ASTN2: variants seen among roughly 807,000 people sequenced by gnomAD.
ASTN2 encodes the protein astrotactin 2.
In ASTN2, 54 loss-of-function variants were observed where a neutral mutation model predicts 139.8. That is an observed-to-expected ratio of 0.39 (90% CI 0.31 to 0.48). ASTN2 has a LOEUF of 0.48. Among genes scored for constraint, ASTN2 ranks in the 20% least tolerant of loss-of-function variants. The pLI is 0.95. For missense variants in ASTN2, 1,565 were observed against 1,725.1 expected, an observed-to-expected ratio of 0.91 and a Z score of 1.64; for synonymous variants, 756 against 719.5, an observed-to-expected ratio of 1.05 and a Z score of -0.81.
At chr9:116,572,305 C>T (rs777167679) in intron 19 of ASTN2, among the ~76,000 whole-genome samples, 27 of 152,168 alleles carry the variant, frequency 1.8e-4, no homozygotes, top group Non-Finnish European at 2.9e-4. Flanking sequence ...CCAGGGCCTG[C>T]CTGGATCCTT....
Position 117,144,976 on chromosome 9 carries a change from C to G in ASTN2, c.1016-3498G>C, listed in dbSNP as rs138535091. Reference sequence around the variant, plus strand: ...GGGATTACAGGCATGACCCACTACGCCTGGCTCTTTTTTTTTAAAAACTTT... The same window carrying G: ...GGGATTACAGGCATGACCCACTACGGCTGGCTCTTTTTTTTTAAAAACTTT... On this transcript the variant is annotated intron_variant, in intron 3 of 22. Transcript: ENST00000313400. Among the ~76,000 whole-genome samples, 660 of 152,104 alleles carry G rather than the reference C, an allele frequency of 4.3e-3. 4 individuals are homozygous for G. The highest frequency in any genetic ancestry group is 0.015 in the African/African-American group (616 of 41,462).
intron 13 of ASTN2, among the ~76,000 whole-genome samples, chr9:116,750,441 G>A (rs1168452434): frequency 6.6e-6 from 1 of 152,000 alleles, no homozygotes; most frequent in Non-Finnish European, 1.5e-5. Flanking sequence ...CTCTCCCTGG[G>A]GCACCTTAGA....
rs1847230217 is a variant in ASTN2 at position 116,423,172 on chromosome 9, C to T, written c.*2679G>A. Among the ~76,000 whole-genome samples, 1 of 152,066 alleles carries T rather than the reference C, an allele frequency of 6.6e-6. No homozygotes were observed. ...TCTAGGTCTTTCCCAACCAGATTTT[C>T]CTGGATGTCTGCCCAAGACTCACAG... is the stretch of plus-strand genomic sequence containing the variant. On this transcript the variant is annotated 3_prime_UTR_variant, in exon 23 of 23. Coordinates refer to ENST00000313400, the MANE Select transcript of ASTN2 (RefSeq NM_001365068.1).
rs1371638622 is a variant in ASTN2 at position 116,631,800 on chromosome 9, T to C, written c.3073-11357A>G. On this transcript the variant is annotated intron_variant, in intron 17 of 22. Transcript: ENST00000313400. ...CCGAGTTACCCTGATTTGATAATTA[T>C]ACATTGCATGCATGTATCAAAATAT... is the stretch of plus-strand genomic sequence containing the variant. Among the ~76,000 whole-genome samples the C allele has an allele frequency of 4.6e-5, 7 of 152,306 alleles. No individual in the cohort carries two copies. The East Asian group carries it at 1.2e-3, about 25-fold the overall frequency.
chr9:116,722,401 C>T (rs1828497345), intron 16 of ASTN2, among the ~76,000 whole-genome samples: 1 of 152,194 alleles, frequency 6.6e-6, no homozygotes, highest in African/African-American at 2.4e-5. Flanking sequence ...ATATTTTAAT[C>T]AGGCACATTC....
chr9:117,302,099 G>C (rs1834890548), intron 1 of ASTN2, among the ~76,000 whole-genome samples: 1 of 147,862 alleles, frequency 6.8e-6, no homozygotes, highest in South Asian at 2.1e-4. Flanking sequence ...GGGGGTGGGA[G>C]GGGGGGTGAC....
intron 6 of ASTN2, among the ~76,000 whole-genome samples, chr9:117,037,271 C>T (rs73519391): frequency 0.024 from 3,721 of 151,978 alleles, 139 homozygotes; most frequent in African/African-American, 0.084. Flanking sequence ...TTTTAATTCA[C>T]CACATTTTGG....
intron 3 of ASTN2, among the ~76,000 whole-genome samples, chr9:117,178,641 G>C (rs1285848723): frequency 1.3e-5 from 2 of 152,192 alleles, no homozygotes; most frequent in Non-Finnish European, 2.9e-5. Flanking sequence ...GATCTCTGCT[G>C]GCAGGAAAAG....
chr9:116,560,615 T>C (rs1433015886), intron 19 of ASTN2, among the ~76,000 whole-genome samples: 5 of 152,216 alleles, frequency 3.3e-5, no homozygotes, highest in South Asian at 2.1e-4. Context: ...TTCTTCCTTA[T>C]ACATTCATTA....
intron 3 of ASTN2, among the ~76,000 whole-genome samples, chr9:117,190,588 T>C (rs1193191913): frequency 1.3e-5 from 2 of 152,160 alleles, no homozygotes; most frequent in African/African-American, 4.8e-5. Flanking sequence ...ACCCAATTTA[T>C]TCTAGTGCTC....
chr9:116,499,963 C>G (rs1407037717), intron 19 of ASTN2, among the ~76,000 whole-genome samples: 1 of 152,184 alleles, frequency 6.6e-6, no homozygotes, highest in African/African-American at 2.4e-5. Flanking sequence ...CTGATTCAGT[C>G]TTGCAACCCA....
chr9:116,530,523 T>C (rs1011849837), intron 19 of ASTN2, among the ~76,000 whole-genome samples: 1 of 152,084 alleles, frequency 6.6e-6, no homozygotes, highest in African/African-American at 2.4e-5. Context: ...GTAATGCATA[T>C]CTGAAATAGT....
intron 10 of ASTN2, among the ~76,000 whole-genome samples, chr9:116,870,470 T>C (rs529318400): frequency 4.6e-5 from 7 of 152,364 alleles, no homozygotes; most frequent in African/African-American, 1.4e-4. Flanking sequence ...TGCCACATAC[T>C]GAGCTGATTA....
At position 116,425,455 on chromosome 9, in the gene ASTN2, T is replaced by C. The variant is rs1847276071; in HGVS notation, c.*396A>G. 11 of 1,062,728 alleles carry C rather than the reference T, an allele frequency of 1.0e-5. No homozygotes were observed. Among genetic ancestry groups the C allele is most frequent in the Non-Finnish European group, 1.6e-5 (11 of 708,700 alleles). The allele number at this position is 1,062,728 out of a possible 1,614,324, so 65.8% of individuals were successfully genotyped here. The stretch of plus-strand genomic sequence containing the variant: ...CTAGGGGTCAGGTCAAAACTGTCCC[T>C]CCATAGGTCTCCTCCAGGGGTCCAT... On this transcript the variant is annotated 3_prime_UTR_variant, in exon 23 of 23. Transcript: ENST00000313400.
At chr9:117,071,249 G>C (rs1032483396) in intron 5 of ASTN2, among the ~76,000 whole-genome samples, 26 of 151,428 alleles carry the variant, frequency 1.7e-4, no homozygotes, top group Non-Finnish European at 3.3e-4. Context: ...CTCAGCTGCA[G>C]GTCTGTTGGA....
At chr9:116,711,746 G>C (rs1828168875) in intron 16 of ASTN2, among the ~76,000 whole-genome samples, 1 of 152,022 alleles carries the variant, frequency 6.6e-6, no homozygotes, top group Non-Finnish European at 1.5e-5. Context: ...ACCTTCTACT[G>C]TCCCATCATG....
At chr9:116,658,401 A>G (rs1858355028) in intron 16 of ASTN2, among the ~76,000 whole-genome samples, 1 of 152,182 alleles carries the variant, frequency 6.6e-6, no homozygotes, top group African/African-American at 2.4e-5. Context: ...TGAACTGTAT[A>G]TGGGTCACAT....
intron 16 of ASTN2, among the ~76,000 whole-genome samples, chr9:116,670,445 C>T (rs1017777248): frequency 3.7e-4 from 57 of 152,248 alleles, no homozygotes; most frequent in African/African-American, 1.2e-3. Flanking sequence ...CATAAGCCAC[C>T]GCACCTGGCC....
intron 10 of ASTN2, among the ~76,000 whole-genome samples, chr9:116,890,799 A>G (rs753498983): frequency 6.6e-6 from 1 of 152,110 alleles, no homozygotes; most frequent in Non-Finnish European, 1.5e-5. Flanking sequence ...CCAGGCTGGT[A>G]AGTGGCAGGG....
Sources: gnomAD v4.1 joint callset for allele counts (sites outside exome capture counted in the v4.1 genomes callset) on GRCh38, gnomAD v4.1.1 for gene constraint, MANE v1.5 for transcripts, NCBI Gene and HGNC (gene_info 2026-07-23, HGNC 2026-07-21) for gene names.